SYCP2: variants seen among roughly 807,000 people sequenced by gnomAD.
SYCP2 encodes synaptonemal complex protein 2.
Under a neutral mutation model 211.3 loss-of-function variants are expected in SYCP2, and 55 were observed. That is an observed-to-expected ratio of 0.26 (90% CI 0.21 to 0.33). SYCP2 has a LOEUF of 0.33. Among genes scored for constraint, SYCP2 ranks in the 10% least tolerant of loss-of-function variants. The pLI, the probability that SYCP2 is intolerant of heterozygous loss-of-function variation, is 1.00. For synonymous variants in SYCP2, 570 were observed against 555.2 expected (o/e 1.03, Z -0.37); for missense variants, 1,731 against 1,752.0 (o/e 0.99, Z 0.21).
At chr20:59,888,493 C>T (rs897643813) in intron 24 of SYCP2, among the ~76,000 whole-genome samples, 1 of 151,960 alleles carries the variant, frequency 6.6e-6, no homozygotes, top group Non-Finnish European at 1.5e-5. Context: ...TAAATGGAAA[C>T]TTTCTCAGCT....
chr20:59,913,588 GTGGA>G (rs1327740827), intron 12 of SYCP2, among the ~76,000 whole-genome samples: 1 of 152,110 alleles, frequency 6.6e-6, no homozygotes, highest in Non-Finnish European at 1.5e-5. Flanking sequence ...ATTCCAGTAT[GTGGA>G]TGAAGGAGAT....
chr20:59,932,918 C>T (rs1418396393), intron 1 of SYCP2, among the ~76,000 whole-genome samples: 2 of 152,132 alleles, frequency 1.3e-5, no homozygotes, highest in Non-Finnish European at 2.9e-5. Context: ...TTTGCGCGCA[C>T]TCCCTTCTTC....
chr20:59,875,806 A>G (rs1019082340), intron 33 of SYCP2, among the ~76,000 whole-genome samples: 9 of 152,140 alleles, frequency 5.9e-5, no homozygotes, highest in African/African-American at 2.2e-4. Context: ...AAGAAGGTAG[A>G]AAGGGGAAGA....
intron 29 of SYCP2, 75 bp from the exon 30 acceptor site, chr20:59,881,098 T>C (rs2059670212): frequency 2.4e-6 from 2 of 819,146 alleles, no homozygotes; most frequent in African/African-American, 3.5e-5. Flanking sequence ...AATGGACAAT[T>C]AGACCTGAGT....
Position 59,891,991 on chromosome 20 carries a change from AT to A in SYCP2, c.2362del (p.Met788Ter), listed in dbSNP as rs570102997. Reference protein sequence around the residue: ...LNSWDSKQKKMREKSKGKEFT... With the variant: ...LNSWDSKQKKXREKSKGKEFT... The stretch of plus-strand genomic sequence containing the variant: ...AATCAAAACACATTGAAAGCTCACC[AT>A]TTTTTTTTGTTTCGAATCCCAGGAA... On this transcript the variant is annotated frameshift_variant and splice_region_variant, in exon 24 of 45. Transcript: ENST00000357552. LOFTEE classifies it high-confidence loss of function. 1.6e-4 allele frequency: 248 copies of A among 1,545,624 alleles called. No homozygotes were observed. Among genetic ancestry groups the A allele is most frequent in the Admixed American group, 7.8e-4 (40 of 51,070 alleles).
At position 59,907,406 on chromosome 20, in the gene SYCP2, C is replaced by A. The variant is rs2060233484; in HGVS notation, c.991G>T (p.Val331Phe). The A allele has an allele frequency of 6.2e-7, 1 of 1,611,608 alleles. No homozygotes were observed. The highest frequency in any genetic ancestry group is 8.5e-7 in the Non-Finnish European group (1 of 1,178,600). The change falls in exon 15 of 45, where the codon GTT becomes TTT. Residue 331 changes from valine (V) to phenylalanine (F), a missense_variant. Coordinates refer to ENST00000357552, the MANE Select transcript of SYCP2 (RefSeq NM_014258.4). ...TGTACTTTTTCCTCTGGCACAGTAACTGCTTCCCATTGATGATCCTTAAAT... is the reference window on the plus strand; with the variant it reads ...TGTACTTTTTCCTCTGGCACAGTAAATGCTTCCCATTGATGATCCTTAAAT... ...GDNDDHQWEA[V>F]TVPEEKVQIY...
chr20:59,880,835 A>G (rs1600841528), intron 30 of SYCP2, 131 bp downstream of exon 30: 1 of 498,554 alleles, frequency 2.0e-6, no homozygotes, highest in Admixed American at 4.0e-5. Flanking sequence ...GAAAATTCAT[A>G]ATAGGAAGGT....
chr20:59,866,804 T>A (rs2145584439), intron 39 of SYCP2, among the ~76,000 whole-genome samples: 1 of 151,514 alleles, frequency 6.6e-6, no homozygotes, highest in Non-Finnish European at 1.5e-5. Context: ...TGACTAAGGG[T>A]TGAGTCCACA....
chr20:59,893,707 G>T lies in SYCP2; in HGVS notation c.1666-114C>A, dbSNP rs547361907. 1.5e-4 allele frequency: 95 copies of T among 629,066 alleles called. No homozygotes were observed. The African/African-American group carries it at 1.6e-3, about 10-fold the overall frequency. 39.0% of individuals were successfully genotyped at this position (629,066 alleles called of 1,614,324 possible). ...CAAATCTGCCTTGATATGAAAAGTT[G>T]GATACTATTTTTATATATTTCATAA... On this transcript the variant is annotated intron_variant, in intron 20 of 44. Transcript: ENST00000357552.
intron 2 of SYCP2, among the ~76,000 whole-genome samples, chr20:59,927,843 AGAG>A (rs768023910): frequency 1.3e-5 from 2 of 152,172 alleles, no homozygotes; most frequent in Non-Finnish European, 2.9e-5. Context: ...GAAAACTGAA[AGAG>A]GAGTTTCATG....
chr20:59,877,661 G>C (rs569283460), intron 32 of SYCP2, 106 bp from the exon 33 acceptor site: 1 of 896,410 alleles, frequency 1.1e-6, no homozygotes, highest in Non-Finnish European at 1.7e-6. Context: ...TAAAATATTT[G>C]TAAGAATGAT....
Position 59,921,465 on chromosome 20 carries a change from T to C in SYCP2, c.25-12A>G, listed in dbSNP as rs2145879010. Reference sequence around the variant, plus strand: ...CATTTTTCCAACTGCTAGAGAAATATATTTAATGGCACATACTGTATCAAA... The same window carrying C: ...CATTTTTCCAACTGCTAGAGAAATACATTTAATGGCACATACTGTATCAAA... On this transcript the variant is annotated splice_polypyrimidine_tract_variant and intron_variant, in intron 3 of 44. Transcript: ENST00000357552. The C allele has an allele frequency of 1.3e-6, 2 of 1,591,854 alleles. No homozygotes were observed. Among genetic ancestry groups the C allele is most frequent in the Non-Finnish European group, 1.7e-6 (2 of 1,167,624 alleles).
rs368307647 is a variant in SYCP2 at position 59,868,014 on chromosome 20, T to C, written c.3989-167A>G. Among the ~76,000 whole-genome samples the C allele has an allele frequency of 5.0e-4, 76 of 151,942 alleles. 2 individuals are homozygous for C. In the South Asian group the frequency reaches 0.015, roughly 30 times the overall value. ...CCTTATGTTTTTTTTAATTTAAAAA[T>C]CAGATTATTCTGATTTATAAAACAA... On this transcript the variant is annotated intron_variant, in intron 38 of 44. Coordinates refer to ENST00000357552, the MANE Select transcript of SYCP2 (RefSeq NM_014258.4).
intron 18 of SYCP2, among the ~76,000 whole-genome samples, chr20:59,899,658 G>A (rs1292596276): frequency 1.3e-5 from 2 of 152,108 alleles, no homozygotes; most frequent in Admixed American, 6.6e-5. Context: ...GGGGGCTATC[G>A]ACAATGTCAA....
chr20:59,929,036 GTAT>G (rs940456372), intron 2 of SYCP2, among the ~76,000 whole-genome samples: 2 of 151,894 alleles, frequency 1.3e-5, no homozygotes, highest in African/African-American at 2.4e-5. Flanking sequence ...AACATAAAAA[GTAT>G]TATTATGAAG....
Position 59,865,842 on chromosome 20 carries a change from C to A in SYCP2, c.4344G>T (p.Gln1448His). Residue 1448 changes from glutamine (Q) to histidine (H), a missense_variant, in exon 42 of 45, where the codon CAG becomes CAT. By Grantham distance (24) the Gln-to-His change is conservative (BLOSUM62 0). Coordinates refer to ENST00000357552, the MANE Select transcript of SYCP2 (RefSeq NM_014258.4). ...EFVDFWEKIF[Q>H]KFSAYQKSEQ... ...CGCTTTTTTGATATGCACTGAACTT[C>A]TGAAATATCTTTTCCCAAAAGTCCT... The A allele has an allele frequency of 7.0e-7, 1 of 1,433,026 alleles. No individual in the cohort carries two copies. The highest frequency in any genetic ancestry group is 9.3e-7 in the Non-Finnish European group (1 of 1,070,386). 88.8% of individuals were successfully genotyped at this position (1,433,026 alleles called of 1,614,324 possible).
In SYCP2 at chr20:59,892,206, C is replaced by G. The variant is rs1433345097; in HGVS notation, c.2148G>C (p.Trp716Cys). The G allele has an allele frequency of 6.2e-7, 1 of 1,612,538 alleles. No homozygotes were observed. The highest frequency in any genetic ancestry group is 1.3e-5 in the African/African-American group (1 of 74,818). Residue 716 changes from tryptophan (W) to cysteine (C), a missense_variant, in exon 24 of 45, where the codon TGG becomes TGC. Physicochemically the swap from Trp to Cys is radical, Grantham distance 215. This residue lies in a region of SYCP2 where 1,387 missense variants were observed against 1,351.3 expected (regional missense o/e 1.03). Coordinates refer to ENST00000357552, the MANE Select transcript of SYCP2 (RefSeq NM_014258.4). ...TAAAAGTAGTTTCAGATTCAACAGG[C>G]CAATCACTCTGCTTGGCATTTTCAG... ...KNTENAKQSDWPVESETTFKS... is the reference protein window; with the variant it reads ...KNTENAKQSDCPVESETTFKS...
At position 59,881,024 on chromosome 20, in the gene SYCP2, C is replaced by A; in HGVS notation, c.2715-1G>T. The A allele has an allele frequency of 6.7e-7, 1 of 1,481,494 alleles. No individual in the cohort carries two copies. Among genetic ancestry groups the A allele is most frequent in the East Asian group, 2.4e-5 (1 of 41,776 alleles). 91.8% of individuals were successfully genotyped at this position (1,481,494 alleles called of 1,614,324 possible). ...TTCATCATGATTCCTTGGACCTACC[C>A]TTAAACAAAAATATGTATTAATTAA... is the stretch of plus-strand genomic sequence containing the variant. On this transcript the variant is annotated splice_acceptor_variant, in intron 29 of 44. Coordinates refer to ENST00000357552, the MANE Select transcript of SYCP2 (RefSeq NM_014258.4). LOFTEE classifies it high-confidence loss of function.
intron 3 of SYCP2, among the ~76,000 whole-genome samples, 154 bp downstream of exon 3, chr20:59,922,236 T>A (rs1435301700): frequency 6.6e-6 from 1 of 151,602 alleles, no homozygotes; most frequent in Non-Finnish European, 1.5e-5. Context: ...ATCTAATGAA[T>A]ACATGAAAGG....
Sources: allele counts gnomAD v4.1 joint callset (sites outside exome capture counted in the v4.1 genomes callset), GRCh38; gene constraint gnomAD v4.1.1; regional missense constraint gnomAD v4.1.1; transcripts MANE v1.5; gene names NCBI Gene and HGNC (gene_info 2026-07-23, HGNC 2026-07-21).